The following TYW1 variants were observed in gnomAD, a reference collection of about 807,000 sequenced individuals.
TYW1 encodes the protein S-adenosyl-L-methionine-dependent tRNA 4-demethylwyosine synthase TYW1.
A neutral mutation model predicts 96.2 loss-of-function variants in TYW1; 46 were observed. That is an observed-to-expected ratio of 0.48 (90% CI 0.38 to 0.61). The LOEUF (loss-of-function observed/expected upper bound fraction) is 0.61, where lower values mean the gene tolerates loss of function less well. TYW1 is among the 20% of genes least tolerant of loss of function. The pLI is 0.00. For synonymous variants in TYW1, 274 were observed against 323.0 expected (o/e 0.85, Z 1.63); for missense variants, 684 against 909.6 (o/e 0.75, Z 3.19).
chr7:67,100,895 C>G lies in TYW1; in HGVS notation c.1562+2177C>G, dbSNP rs371893340. The stretch of plus-strand genomic sequence containing the variant: ...GAGTTAAAGAAAGAGGAGAGAAACA[C>G]GAAGGGCTGCTTAACAGTTAACAGG... On this transcript the variant is annotated intron_variant, in intron 12 of 15. Coordinates refer to ENST00000359626, the MANE Select transcript of TYW1 (RefSeq NM_018264.4). Among the ~76,000 whole-genome samples the G allele has an allele frequency of 9.5e-5, 14 of 148,144 alleles. 1 individual carries two copies. In the South Asian group the frequency reaches 1.9e-3, roughly 21 times the overall value.
At chr7:67,067,591 G>A (rs1288840939) in intron 10 of TYW1, among the ~76,000 whole-genome samples, 188 bp downstream of exon 10, 1 of 152,176 alleles carries the variant, frequency 6.6e-6, no homozygotes, top group Non-Finnish European at 1.5e-5. Flanking sequence ...ACACTGTGAG[G>A]AATTGCTGGA....
intron 7 of TYW1, among the ~76,000 whole-genome samples, chr7:67,044,194 G>A (rs1341697261): frequency 6.6e-6 from 1 of 150,408 alleles, no homozygotes; most frequent in Non-Finnish European, 1.5e-5. Context: ...TGCCTGCTAG[G>A]TGCAAGTGAT....
intron 10 of TYW1, among the ~76,000 whole-genome samples, chr7:67,081,654 GCTC>G (rs1406462219): frequency 6.6e-6 from 1 of 151,204 alleles, no homozygotes; most frequent in Non-Finnish European, 1.5e-5. Context: ...TCCTGCTGCT[GCTC>G]CTCCTCCTGC....
chr7:67,137,049 C>CAGATCTCAGG (rs1554373632), intron 13 of TYW1, among the ~76,000 whole-genome samples: 1 of 137,732 alleles, frequency 7.3e-6, no homozygotes, highest in Non-Finnish European at 1.6e-5. Flanking sequence ...TCTCAAACTT[C>CAGATCTCAGG]TGATCCACCC....
At chr7:67,161,294 T>A (rs1026452076) in intron 13 of TYW1, among the ~76,000 whole-genome samples, 1 of 152,270 alleles carries the variant, frequency 6.6e-6, no homozygotes, top group African/African-American at 2.4e-5. Context: ...TTGATTAGAA[T>A]GCATTGAATT....
intron 12 of TYW1, among the ~76,000 whole-genome samples, chr7:67,113,784 T>G (rs1307026923): frequency 1.3e-5 from 2 of 151,876 alleles, no homozygotes; most frequent in Non-Finnish European, 2.9e-5. Context: ...ATTACAGGCG[T>G]GCGCCACCAT....
chr7:67,202,997 A>G (rs1030352191), intron 15 of TYW1, among the ~76,000 whole-genome samples: 1 of 152,196 alleles, frequency 6.6e-6, no homozygotes, highest in Non-Finnish European at 1.5e-5. Flanking sequence ...GATTTCACCA[A>G]TTTTAAATGC....
At chr7:67,129,692 TC>T (rs1296017209) in intron 13 of TYW1, among the ~76,000 whole-genome samples, 1 of 152,226 alleles carries the variant, frequency 6.6e-6, no homozygotes, top group African/African-American at 2.4e-5. Flanking sequence ...ACTAGAAGGC[TC>T]GTAGGGGTTA....
At chr7:67,015,298 C>T (rs1285053838) in intron 5 of TYW1, among the ~76,000 whole-genome samples, 2 of 152,088 alleles carry the variant, frequency 1.3e-5, no homozygotes, top group Admixed American at 6.6e-5. Flanking sequence ...GCCAGCATGC[C>T]CAGCCTGCCC....
intron 10 of TYW1, among the ~76,000 whole-genome samples, chr7:67,078,645 G>A (rs1161518924): frequency 6.6e-6 from 1 of 151,956 alleles, no homozygotes; most frequent in East Asian, 1.9e-4. Context: ...ATTTTTTTGT[G>A]TGTGCTCTCT....
intron 5 of TYW1, among the ~76,000 whole-genome samples, chr7:67,017,591 C>T (rs1255408587): frequency 6.6e-6 from 1 of 151,394 alleles, no homozygotes; most frequent in African/African-American, 2.4e-5. Context: ...AGTCATTAAT[C>T]CTTCATTTGA....
intron 7 of TYW1, among the ~76,000 whole-genome samples, chr7:67,026,750 C>A (rs62466619): frequency 0.3 from 45,936 of 151,276 alleles, 7,250 homozygotes; most frequent in East Asian, 0.53. Flanking sequence ...ACATATTGAA[C>A]CATACCACAA....
rs896425156 is a variant in TYW1 at position 66,999,038 on chromosome 7, G to T, written c.273+84G>T. 4.9e-6 allele frequency: 7 copies of T among 1,423,764 alleles called. No individual in the cohort carries two copies. In the African/African-American group the frequency reaches 8.5e-5, roughly 17 times the overall value. 88.2% of individuals were successfully genotyped at this position (1,423,764 alleles called of 1,614,324 possible). A position where few individuals can be genotyped will look rare whatever the true frequency, so the allele number is the denominator to read the frequency against. On this transcript the variant is annotated intron_variant, in intron 3 of 15. Transcript: ENST00000359626. ...TAGCAGTGAACTTTAGCAGTGAACT[G>T]TCCTTTAGCAGTGAACTGAATTGGT...
At position 67,042,751 on chromosome 7, in the gene TYW1, C is replaced by T. The variant is rs1012627880; in HGVS notation, c.985-7198C>T. Among the ~76,000 whole-genome samples, 16 of 152,146 alleles carry T rather than the reference C, an allele frequency of 1.1e-4. 1 individual carries two copies. Among genetic ancestry groups the T allele is most frequent in the African/African-American group, 3.9e-4 (16 of 41,516 alleles). ...GTGGCTTATGCCTGTAATCCCAGAG[C>T]TTTGGGAGGCTGAGGCTGGTGGATC... On this transcript the variant is annotated intron_variant, in intron 7 of 15. Coordinates refer to ENST00000359626, the MANE Select transcript of TYW1 (RefSeq NM_018264.4).
At chr7:67,218,104 C>T (rs1054188932) in intron 15 of TYW1, among the ~76,000 whole-genome samples, 27 of 151,698 alleles carry the variant, frequency 1.8e-4, no homozygotes, top group Non-Finnish European at 2.5e-4. Context: ...GGTGATCTCC[C>T]TGCCTTGGCC....
chr7:67,231,692 C>G (rs1427081129), intron 15 of TYW1, among the ~76,000 whole-genome samples: 3 of 151,822 alleles, frequency 2.0e-5, no homozygotes, highest in Admixed American at 6.6e-5. Flanking sequence ...TTTTCTCATT[C>G]GATTTTCTCT....
intron 7 of TYW1, among the ~76,000 whole-genome samples, chr7:67,027,250 A>G (rs1794481626): frequency 6.6e-6 from 1 of 152,176 alleles, no homozygotes; most frequent in Non-Finnish European, 1.5e-5. Context: ...ATATGTCAGA[A>G]TAATTTCCAA....
intron 13 of TYW1, among the ~76,000 whole-genome samples, chr7:67,163,247 A>G (rs865854551): frequency 6.6e-5 from 10 of 152,194 alleles, no homozygotes; most frequent in African/African-American, 9.7e-5. Flanking sequence ...TGATTTTCCC[A>G]AAGTGTAAAT....
intron 13 of TYW1, among the ~76,000 whole-genome samples, chr7:67,143,554 G>A (rs1351185850): frequency 2.0e-5 from 3 of 152,228 alleles, no homozygotes; most frequent in African/African-American, 7.2e-5. Flanking sequence ...GTTTGCGGAA[G>A]CAGGCAGAGT....
Sources: allele counts gnomAD v4.1 joint callset (sites outside exome capture counted in the v4.1 genomes callset), GRCh38; gene constraint gnomAD v4.1.1; transcripts MANE v1.5; gene names NCBI Gene and HGNC (gene_info 2026-07-23, HGNC 2026-07-21).